Variants in ZNF577 observed in about 807,000 individuals in gnomAD.
The protein encoded by ZNF577 is zinc finger protein 577.
Under a neutral mutation model 13.9 loss-of-function variants are expected in ZNF577, and 14 were observed. The ratio of observed to expected loss-of-function variants is 1.00; its 90% CI spans 0.66 to 1.57. The LOEUF is 1.57. ZNF577 is among the 40% of genes most tolerant of loss of function. ZNF577 has a pLI of 0.00. For missense variants in ZNF577, 555 were observed against 579.2 expected, an observed-to-expected ratio of 0.96 and a Z score of 0.43; for synonymous variants, 203 against 202.9, an observed-to-expected ratio of 1.00 and a Z score of 0.00.
intron 5 of ZNF577, among the ~76,000 whole-genome samples, chr19:51,858,235 G>C (rs1037961133): frequency 2.6e-5 from 4 of 152,160 alleles, no homozygotes; most frequent in Non-Finnish European, 5.9e-5. Context: ...CAATCTCCGT[G>C]CTTGTTCACT....
At chr19:51,819,182 G>T (rs1285629526) in intron 9 of ZNF577, among the ~76,000 whole-genome samples, 1 of 152,198 alleles carries the variant, frequency 6.6e-6, no homozygotes, top group African/African-American at 2.4e-5. Context: ...TGGCAGGTTT[G>T]GGAGGAAGGG....
At position 51,824,088 on chromosome 19, in the gene ZNF577, T is replaced by A; in HGVS notation, c.*600-12414A>T. 6.2e-7 allele frequency: 1 copy of A among 1,614,182 alleles called. No homozygotes were observed. The highest frequency in any genetic ancestry group is 8.5e-7 in the Non-Finnish European group (1 of 1,180,008). ...AGACATCAACCTGTTTGTCAGTGTC[T>A]ACCTGATCACCATCATTGCTCTGGA... On this transcript the variant is annotated intron_variant and NMD_transcript_variant, in intron 9 of 10. Transcript: ENST00000638827. The surrounding 1 kb of genome is among the most constrained non-coding windows in gnomAD (Gnocchi z 4.7).
chr19:51,845,489 CA>C (rs1056181069), intron 5 of ZNF577, among the ~76,000 whole-genome samples: 56 of 134,066 alleles, frequency 4.2e-4, no homozygotes, highest in Admixed American at 3.7e-4. Flanking sequence ...AACTCTGCCT[CA>C]AAAAAAAAAA....
chr19:51,846,923 T>C (rs73063027), intron 5 of ZNF577, among the ~76,000 whole-genome samples: 1 of 152,100 alleles, frequency 6.6e-6, no homozygotes, highest in African/African-American at 2.4e-5. Flanking sequence ...AGCTGACTAA[T>C]ACATTACATG....
chr19:51,859,308 C>G (rs868765968), intron 5 of ZNF577, among the ~76,000 whole-genome samples: 2 of 152,116 alleles, frequency 1.3e-5, no homozygotes, highest in Non-Finnish European at 2.9e-5. Context: ...TATAAACATT[C>G]ATGGACAAAT....
At chr19:51,837,458 T>C (rs1470134925) in intron 9 of ZNF577, among the ~76,000 whole-genome samples, 1 of 152,192 alleles carries the variant, frequency 6.6e-6, no homozygotes, top group Non-Finnish European at 1.5e-5. Context: ...GTATGACCTC[T>C]AGACAGCAAA....
intron 10 of ZNF577, among the ~76,000 whole-genome samples, chr19:51,810,151 G>A (rs1211977476): frequency 6.6e-6 from 1 of 152,060 alleles, no homozygotes; most frequent in Admixed American, 6.6e-5. Context: ...TTGACCCTTG[G>A]CTCCTTTTAG....
intron 5 of ZNF577, among the ~76,000 whole-genome samples, chr19:51,853,054 A>C (rs117736853): frequency 2.6e-5 from 4 of 151,816 alleles, no homozygotes; most frequent in Non-Finnish European, 5.9e-5. Flanking sequence ...CTCCCGCCTC[A>C]GCCTCCAGAG....
intron 9 of ZNF577, among the ~76,000 whole-genome samples, chr19:51,823,021 C>T (rs938857571): frequency 6.6e-6 from 1 of 152,092 alleles, no homozygotes; most frequent in Non-Finnish European, 1.5e-5. Context: ...TGCCACCACA[C>T]CTGGCTAATT....
chr19:51,832,415 G>A (rs2084265407), intron 9 of ZNF577, among the ~76,000 whole-genome samples: 1 of 147,974 alleles, frequency 6.8e-6, no homozygotes, highest in East Asian at 2.0e-4. Context: ...GAGTGCAGTG[G>A]TGCAATCTCA....
chr19:51,841,534 C>A (rs1416424505), intron 8 of ZNF577, among the ~76,000 whole-genome samples: 1 of 152,112 alleles, frequency 6.6e-6, no homozygotes, highest in Non-Finnish European at 1.5e-5. Context: ...GTTTTTCTAG[C>A]ATGGTCTTGC....
rs199635445 is a variant in ZNF577 at position 51,873,165 on chromosome 19, A to T, written c.825T>A (p.Cys275Ter). The T allele has an allele frequency of 3.8e-5, 62 of 1,613,980 alleles. No homozygotes were observed. Among genetic ancestry groups the T allele is most frequent in the Middle Eastern group, 1.6e-4 (1 of 6,082 alleles). The change falls in exon 6 of 6, where the codon TGT (cysteine) becomes TGA (stop). Residue 275 changes from cysteine to a stop codon, truncating the protein, a stop_gained. Transcript: ENST00000638348. LOFTEE classifies it low-confidence loss of function (END_TRUNC). ...TGEKLYGCSV[C>*]GKAFSQKAYL... ...ATGCCTTCTGAGAAAAGGCTTTCCCACACACACTGCACCCATAGAGTTTCT... is the reference window on the plus strand; with the variant it reads ...ATGCCTTCTGAGAAAAGGCTTTCCCTCACACACTGCACCCATAGAGTTTCT...
chr19:51,873,822 T>A (rs1404265888), intron 5 of ZNF577, 116 bp from the exon 6 acceptor site: 3 of 842,198 alleles, frequency 3.6e-6, no homozygotes, highest in East Asian at 2.7e-5. Context: ...TTTGTTGACA[T>A]CTTTCAAAAT....
downstream of ZNF577, among the ~76,000 whole-genome samples, chr19:51,865,314 C>A (rs897892382): frequency 6.6e-6 from 1 of 152,190 alleles, no homozygotes; most frequent in Non-Finnish European, 1.5e-5. Context: ...CCAGGCTGGT[C>A]TTGAACTTCT....
intron 5 of ZNF577, among the ~76,000 whole-genome samples, chr19:51,853,462 T>C (rs942992222): frequency 2.0e-5 from 3 of 152,312 alleles, no homozygotes; most frequent in East Asian, 3.9e-4. Flanking sequence ...TAACATTTTT[T>C]CTCTTTCTCT....
chr19:51,813,288 G>C (rs1279682159), intron 9 of ZNF577, among the ~76,000 whole-genome samples: 2 of 152,068 alleles, frequency 1.3e-5, no homozygotes, highest in Non-Finnish European at 2.9e-5. Flanking sequence ...CATGGTAAAA[G>C]GGAAAGACAA....
At chr19:51,811,608 T>C (rs756129425) in exon 10 of ZNF577, 5 of 152,218 alleles carry the variant, frequency 3.3e-5, no homozygotes, top group Non-Finnish European at 7.3e-5. Context: ...TGAGTGCCAC[T>C]TGTAGAGCCC....
At chr19:51,880,496 A>G (rs926211217) in intron 2 of ZNF577, 95 bp from the exon 3 acceptor site, 1 of 1,032,524 alleles carries the variant, frequency 9.7e-7, no homozygotes, top group African/African-American at 1.6e-5. Context: ...ACTTTCACAA[A>G]CCCCCTGATC....
Position 51,880,420 on chromosome 19 carries a change from C to T in ZNF577, c.-19-19G>A. The T allele has an allele frequency of 6.2e-7, 1 of 1,612,398 alleles. No homozygotes were observed. The highest frequency in any genetic ancestry group is 8.5e-7 in the Non-Finnish European group (1 of 1,178,812). ...ATTTCAGCTGCCAAAAAAAAGGAGA[C>T]ACAGTTTAAAGCAGAGAAAACCCAC... is the stretch of plus-strand genomic sequence containing the variant. On this transcript the variant is annotated intron_variant, in intron 2 of 5. Transcript: ENST00000638348.
Sources: gnomAD v4.1 joint callset for allele counts (sites outside exome capture counted in the v4.1 genomes callset) on GRCh38, gnomAD v4.1.1 for gene constraint, Gnocchi (gnomAD v3.1) non-coding constraint, MANE v1.5 for transcripts, NCBI Gene and HGNC (gene_info 2026-07-23, HGNC 2026-07-21) for gene names.